The following NUDT3 variants were observed in gnomAD, a reference collection of about 807,000 sequenced individuals.
NUDT3 encodes nudix hydrolase 3, also known as diphosphoinositol polyphosphate phosphohydrolase 1.
NUDT3 carries 9 observed loss-of-function variants against 23.6 expected under a neutral mutation model. The ratio of observed to expected loss-of-function variants is 0.38; its 90% CI spans 0.23 to 0.66. The LOEUF (loss-of-function observed/expected upper bound fraction) is 0.66, where lower values mean the gene tolerates loss of function less well. NUDT3 is among the 30% of genes least tolerant of loss of function. The pLI is 0.52. For synonymous variants in NUDT3, 86 were observed against 82.6 expected, an observed-to-expected ratio of 1.04 and a Z score of -0.22; for missense variants, 172 against 218.5, an observed-to-expected ratio of 0.79 and a Z score of 1.34.
Position 34,345,036 on chromosome 6 carries a change from GT to G in NUDT3, c.100-3065del, listed in dbSNP as rs998189548. Among the ~76,000 whole-genome samples, 15 of 151,448 alleles carry G rather than the reference GT, an allele frequency of 9.9e-5. 1 individual carries two copies. Among genetic ancestry groups the G allele is most frequent in the Admixed American group, 2.0e-4 (3 of 15,166 alleles). On this transcript the variant is annotated intron_variant, in intron 1 of 4. Transcript: ENST00000607016. ...AAAGAAAACTAGTTTTGCAATCACA[GT>G]TTTTTGTTTTGTTTTGTTTTGTTTC... is the stretch of plus-strand genomic sequence containing the variant.
intron 1 of NUDT3, among the ~76,000 whole-genome samples, chr6:34,342,933 C>T (rs1269369271): frequency 6.6e-6 from 1 of 152,176 alleles, no homozygotes; most frequent in Non-Finnish European, 1.5e-5. Context: ...TCCCTGAGGT[C>T]TCTGCAGCTA....
intron 2 of NUDT3, among the ~76,000 whole-genome samples, chr6:34,341,276 G>C (rs1282603086): frequency 6.6e-6 from 1 of 152,004 alleles, no homozygotes; most frequent in East Asian, 1.9e-4. Context: ...AGAGAACTAA[G>C]AGTCCATGAC....
chr6:34,373,046 G>A (rs150759899), intron 1 of NUDT3, among the ~76,000 whole-genome samples: 1,525 of 151,902 alleles, frequency 0.01, 46 homozygotes, highest in East Asian at 0.044. Flanking sequence ...TTGGGAAGCC[G>A]AGGCGGGCGA....
intron 1 of NUDT3, among the ~76,000 whole-genome samples, chr6:34,345,239 G>A (rs1056308742): frequency 1.4e-4 from 22 of 151,728 alleles, no homozygotes; most frequent in Middle Eastern, 3.4e-3. Context: ...TAGTAGAGAC[G>A]GGGTTTCACC....
At chr6:34,290,397 G>A (rs1763402070) in intron 4 of NUDT3, among the ~76,000 whole-genome samples, 1 of 140,414 alleles carries the variant, frequency 7.1e-6, no homozygotes, top group Admixed American at 7.2e-5. Context: ...ACCTGCTGCT[G>A]CTTCTTTTTT....
intron 2 of NUDT3, among the ~76,000 whole-genome samples, chr6:34,303,362 T>C (rs1464262398): frequency 6.6e-6 from 1 of 152,036 alleles, no homozygotes; most frequent in African/African-American, 2.4e-5. Flanking sequence ...ATAGTTCCTG[T>C]TGTTTTTCTT....
intron 2 of NUDT3, among the ~76,000 whole-genome samples, chr6:34,319,357 A>C (rs1763906420): frequency 6.6e-6 from 1 of 152,200 alleles, no homozygotes; most frequent in South Asian, 2.1e-4. Flanking sequence ...AACTAGCTTC[A>C]AGTTGGGATT....
chr6:34,337,120 T>C (rs538645059), intron 2 of NUDT3, among the ~76,000 whole-genome samples: 77 of 151,200 alleles, frequency 5.1e-4, no homozygotes, highest in African/African-American at 1.8e-3. Context: ...CTCTTATTTT[T>C]ATTGTTTGTA....
At chr6:34,315,575 T>G (rs79634517) in intron 2 of NUDT3, among the ~76,000 whole-genome samples, 1,591 of 152,256 alleles carry the variant, frequency 0.01, 13 homozygotes, top group Non-Finnish European at 0.017. Flanking sequence ...AGCACAACCC[T>G]GTTTCAAAAA....
At chr6:34,290,791 GATTATT>G (rs534620493) in intron 4 of NUDT3, among the ~76,000 whole-genome samples, 6 of 147,930 alleles carry the variant, frequency 4.1e-5, no homozygotes, top group African/African-American at 7.6e-5. Context: ...AATTGTCTGT[GATTATT>G]ATTATTATTA....
At chr6:34,293,965 C>A (rs1763462075) in intron 3 of NUDT3, among the ~76,000 whole-genome samples, 1 of 151,964 alleles carries the variant, frequency 6.6e-6, no homozygotes, top group African/African-American at 2.4e-5. Context: ...CTCTTCCCAC[C>A]CACACCCCTT....
At chr6:34,367,889 C>G (rs1244247834) in intron 1 of NUDT3, among the ~76,000 whole-genome samples, 1 of 152,102 alleles carries the variant, frequency 6.6e-6, no homozygotes, top group African/African-American at 2.4e-5. Flanking sequence ...TCAGGACTGC[C>G]AGAAGAATGG....
At chr6:34,324,517 G>T (rs1344856667) in intron 2 of NUDT3, among the ~76,000 whole-genome samples, 5 of 152,094 alleles carry the variant, frequency 3.3e-5, no homozygotes, top group Admixed American at 3.3e-4. Flanking sequence ...TGATCCTCCT[G>T]CCTTGGCCTC....
At chr6:34,292,188 A>G (rs1020872216) in intron 4 of NUDT3, among the ~76,000 whole-genome samples, 3 of 152,178 alleles carry the variant, frequency 2.0e-5, no homozygotes, top group African/African-American at 7.2e-5. Flanking sequence ...GTCTGTTTTC[A>G]GTATATCCAC....
At chr6:34,321,543 G>T (rs1763942834) in intron 2 of NUDT3, among the ~76,000 whole-genome samples, 1 of 152,108 alleles carries the variant, frequency 6.6e-6, no homozygotes, top group African/African-American at 2.4e-5. Flanking sequence ...CAAGATACCA[G>T]CTTGCTTTAA....
At chr6:34,388,226 A>C (rs928493915) in intron 1 of NUDT3, among the ~76,000 whole-genome samples, 1 of 152,204 alleles carries the variant, frequency 6.6e-6, no homozygotes, top group Non-Finnish European at 1.5e-5. Context: ...TTACACAACA[A>C]CAAAATCACC....
chr6:34,313,977 A>T (rs1424251117), intron 2 of NUDT3, among the ~76,000 whole-genome samples: 1 of 151,798 alleles, frequency 6.6e-6, no homozygotes, highest in Non-Finnish European at 1.5e-5. Flanking sequence ...CATGCCTGTA[A>T]TCCCAGCTAC....
intron 1 of NUDT3, among the ~76,000 whole-genome samples, chr6:34,358,589 G>A (rs552527676): frequency 6.6e-6 from 1 of 152,012 alleles, no homozygotes; most frequent in Admixed American, 6.6e-5. Context: ...GTGATTATGT[G>A]GAAATTATTT....
chr6:34,320,639 G>A (rs993852788), intron 2 of NUDT3, among the ~76,000 whole-genome samples: 2 of 152,226 alleles, frequency 1.3e-5, no homozygotes, highest in South Asian at 4.1e-4. Context: ...TTCGAGACCA[G>A]CCCGGTCAAC....
Sources: allele counts gnomAD v4.1 joint callset (sites outside exome capture counted in the v4.1 genomes callset), GRCh38; gene constraint gnomAD v4.1.1; transcripts MANE v1.5; gene names NCBI Gene and HGNC (gene_info 2026-07-23, HGNC 2026-07-21).